The following ATXN10 variants were observed in gnomAD, a reference collection of about 807,000 sequenced individuals.
The protein encoded by ATXN10 is ataxin-10.
ATXN10 carries 28 observed loss-of-function variants against 52.9 expected under a neutral mutation model. The observed-to-expected ratio is 0.53, with a 90% confidence interval of 0.39 to 0.73. The LOEUF (loss-of-function observed/expected upper bound fraction) is 0.73. Among genes scored for constraint, ATXN10 ranks in the 30% least tolerant of loss-of-function variants. The pLI, the probability that ATXN10 is intolerant of heterozygous loss-of-function variation, is 0.00. For missense variants in ATXN10, 565 were observed against 577.0 expected (o/e 0.98, Z 0.21); for synonymous variants, 226 against 221.5 (o/e 1.02, Z -0.18).
At chr22:45,802,048 T>C (rs971260920) in intron 9 of ATXN10, among the ~76,000 whole-genome samples, 1 of 152,232 alleles carries the variant, frequency 6.6e-6, no homozygotes, top group South Asian at 2.1e-4. Flanking sequence ...TTATTAGAGT[T>C]GGGCCTGTAC....
At position 45,833,859 on chromosome 22, in the gene ATXN10, A is replaced by G. The variant is rs1929073098; in HGVS notation, c.1238-9132A>G. Among the ~76,000 whole-genome samples the G allele has an allele frequency of 1.3e-5, 2 of 152,168 alleles. No homozygotes were observed. The highest frequency in any genetic ancestry group is 2.1e-4 in the South Asian group (1 of 4,826). ...GGTCGCGAGAGCACACTTAGCAGCG[A>G]TACGGCATCGCGATCAGGGGAGCGG... On this transcript the variant is annotated intron_variant, in intron 10 of 11. Transcript: ENST00000252934. This position sits in a 1 kb window ranked among gnomAD's most constrained non-coding sequence, Gnocchi z 4.3.
In ATXN10 at chr22:45,842,673, C is replaced by T. The variant is rs1929386187; in HGVS notation, c.1238-318C>T. On this transcript the variant is annotated intron_variant, in intron 10 of 11. Coordinates refer to ENST00000252934, the MANE Select transcript of ATXN10 (RefSeq NM_013236.4). This position sits in a 1 kb window ranked among gnomAD's most constrained non-coding sequence, Gnocchi z 4.8. ...TTGCCTGTGTGTGTGTTCTTGGGTT[C>T]ATAAACTTCAGTTTGAGCTACTCTA... 6.6e-6 allele frequency among the ~76,000 whole-genome samples: 1 copy of T among 152,128 alleles called. No homozygotes were observed. Among genetic ancestry groups the T allele is most frequent in the South Asian group, 2.1e-4 (1 of 4,830 alleles).
Position 45,807,011 on chromosome 22 carries a change from A to T in ATXN10, c.1226A>T (p.Asp409Val). ...ATCCTGGACAACTGCAACATCAGTG[A>T]CAGTAACCCCTGTATCCTTGCATGT... ...PLILDNCNISDSNPFLTQWVI... is the reference protein window; with the variant it reads ...PLILDNCNISVSNPFLTQWVI... Residue 409 changes from aspartate to valine, a missense_variant, in exon 10 of 12, where the codon GAC becomes GTC. Coordinates refer to ENST00000252934, the MANE Select transcript of ATXN10 (RefSeq NM_013236.4). The T allele has an allele frequency of 1.9e-6, 3 of 1,613,904 alleles. No homozygotes were observed. Among genetic ancestry groups the T allele is most frequent in the Non-Finnish European group, 2.5e-6 (3 of 1,179,760 alleles).
chr22:45,720,443 C>T (rs1924606508), intron 6 of ATXN10, among the ~76,000 whole-genome samples: 1 of 152,026 alleles, frequency 6.6e-6, no homozygotes, highest in Non-Finnish European at 1.5e-5. Context: ...CTCAAACAAT[C>T]CTCCCACCTC....
In ATXN10 at chr22:45,833,732, A is replaced by G. The variant is rs1397930851; in HGVS notation, c.1238-9259A>G. ...ATGTATTTCATGTATCACAAAACCTACCGTTCCTTGTACTGGTTTGTAGGC... is the reference window on the plus strand; with the variant it reads ...ATGTATTTCATGTATCACAAAACCTGCCGTTCCTTGTACTGGTTTGTAGGC... On this transcript the variant is annotated intron_variant, in intron 10 of 11. Transcript: ENST00000252934. This position sits in a 1 kb window ranked among gnomAD's most constrained non-coding sequence, Gnocchi z 4.3. Among the ~76,000 whole-genome samples, 1 of 152,126 alleles carries G rather than the reference A, an allele frequency of 6.6e-6. No individual in the cohort carries two copies. The highest frequency in any genetic ancestry group is 2.4e-5 in the African/African-American group (1 of 41,438).
chr22:45,734,895 A>ATTATTT (rs1925231943), intron 7 of ATXN10, among the ~76,000 whole-genome samples: 1 of 149,436 alleles, frequency 6.7e-6, no homozygotes, highest in South Asian at 2.1e-4. Flanking sequence ...TATTATTATT[A>ATTATTT]TTATTTTGAG....
chr22:45,733,368 A>G lies in ATXN10; in HGVS notation c.894+3778A>G, dbSNP rs1333904205. Among the ~76,000 whole-genome samples, 1 of 152,234 alleles carries G rather than the reference A, an allele frequency of 6.6e-6. No individual in the cohort carries two copies. The highest frequency in any genetic ancestry group is 2.4e-5 in the African/African-American group (1 of 41,458). ...TTTTTTCCACATATTAAGGGCTTAA[A>G]TTTTTGTATTACGCAAATAATGCTT... On this transcript the variant is annotated intron_variant, in intron 7 of 11. Transcript: ENST00000252934. The surrounding 1 kb of genome is among the most constrained non-coding windows in gnomAD (Gnocchi z 4.4).
rs1923848133 is a variant in ATXN10, at chr22:45,701,645, A to G, written c.489-1044A>G. ...TTCATTCCCTTAAAACGTTTTGGAT[A>G]CCTAATATCTGCCAGGTTTTGGGAT... is the stretch of plus-strand genomic sequence containing the variant. On this transcript the variant is annotated intron_variant, in intron 4 of 11. Coordinates refer to ENST00000252934, the MANE Select transcript of ATXN10 (RefSeq NM_013236.4). The surrounding 1 kb of genome is among the most constrained non-coding windows in gnomAD (Gnocchi z 4.2). 6.6e-6 allele frequency among the ~76,000 whole-genome samples: 1 copy of G among 152,228 alleles called. No individual in the cohort carries two copies. Among genetic ancestry groups the G allele is most frequent in the Admixed American group, 6.5e-5 (1 of 15,280 alleles).
At position 45,844,069 on chromosome 22, in the gene ATXN10, T is replaced by G. The variant is rs993133748; in HGVS notation, c.*398T>G. 1 of 191,656 alleles carries G rather than the reference T, an allele frequency of 5.2e-6. No homozygotes were observed. Among genetic ancestry groups the G allele is most frequent in the African/African-American group, 2.4e-5 (1 of 42,500 alleles). The allele number at this position is 191,656 out of a possible 1,614,324, so 11.9% of individuals were successfully genotyped here. A position where few individuals can be genotyped will look rare whatever the true frequency, so the allele number is the denominator to read the frequency against. On this transcript the variant is annotated 3_prime_UTR_variant, in exon 12 of 12. Transcript: ENST00000252934. ...TCTTTATATTCCTCTTCTCATTGGGTTTTCTGAACTCTGGCAGGCGGTTGA... is the reference window on the plus strand; with the variant it reads ...TCTTTATATTCCTCTTCTCATTGGGGTTTCTGAACTCTGGCAGGCGGTTGA...
At chr22:45,673,457 G>C (rs1432775028) in intron 1 of ATXN10, 1 of 152,166 alleles carries the variant, frequency 6.6e-6, no homozygotes, top group Non-Finnish European at 1.5e-5. Context: ...AAAAGTCCCT[G>C]GTACTGCTCT....
intron 9 of ATXN10, among the ~76,000 whole-genome samples, chr22:45,765,324 G>C (rs1247270895): frequency 6.6e-6 from 1 of 152,178 alleles, no homozygotes; most frequent in African/African-American, 2.4e-5. Context: ...GCCACCAAGA[G>C]GGAGACAGTA....
intron 9 of ATXN10, among the ~76,000 whole-genome samples, chr22:45,797,913 G>A (rs981407742): frequency 6.6e-6 from 1 of 152,000 alleles, no homozygotes; most frequent in Non-Finnish European, 1.5e-5. Flanking sequence ...TAAGAGAATA[G>A]CATAAACAAC....
At chr22:45,699,786 A>G (rs891101870) in intron 3 of ATXN10, among the ~76,000 whole-genome samples, 13 of 149,772 alleles carry the variant, frequency 8.7e-5, no homozygotes, top group African/African-American at 3.2e-4. Context: ...GAGCCACTGC[A>G]CCCAGGCAAT....
Position 45,688,232 on chromosome 22 carries a change from A to G in ATXN10, c.117-1480A>G, listed in dbSNP as rs928570994. On this transcript the variant is annotated intron_variant, in intron 1 of 11. Transcript: ENST00000252934. This position sits in a 1 kb window ranked among gnomAD's most constrained non-coding sequence, Gnocchi z 4.0. ...TGCCGAGACACTGAGTCAAAGTTTC[A>G]TTATTTACACTCAGGGCTGACTGGG... Among the ~76,000 whole-genome samples, 1 of 152,160 alleles carries G rather than the reference A, an allele frequency of 6.6e-6. No individual in the cohort carries two copies. Among genetic ancestry groups the G allele is most frequent in the South Asian group, 2.1e-4 (1 of 4,832 alleles).
At chr22:45,782,129 T>C (rs10483231) in intron 9 of ATXN10, among the ~76,000 whole-genome samples, 13,518 of 152,262 alleles carry the variant, frequency 0.089, 776 homozygotes, top group Middle Eastern at 0.16. Flanking sequence ...CTCTGGAAAT[T>C]TTCATGATCC....
intron 7 of ATXN10, among the ~76,000 whole-genome samples, chr22:45,734,869 A>ATATTATTATTATTATTAT (rs10625108): frequency 0.011 from 1,625 of 142,360 alleles, 11 homozygotes; most frequent in African/African-American, 0.014. Context: ...GAAATGGGTT[A>ATATTATTATTATTATTAT]TATTATTATT....
In ATXN10 at chr22:45,771,541, C is replaced by T. The variant is rs563165184; in HGVS notation, c.1173+31003C>T. On this transcript the variant is annotated intron_variant, in intron 9 of 11. Transcript: ENST00000252934. The stretch of plus-strand genomic sequence containing the variant: ...AAGTGATTTTCCTGCCTCAGCCTCC[C>T]GAGTAGCTGGGATTACAGGCACGCA... Among the ~76,000 whole-genome samples the T allele has an allele frequency of 2.6e-5, 4 of 151,704 alleles. No individual in the cohort carries two copies. The South Asian group carries it at 6.3e-4, about 24-fold the overall frequency.
chr22:45,717,658 A>G (rs1718970390), intron 5 of ATXN10, among the ~76,000 whole-genome samples: 1 of 152,322 alleles, frequency 6.6e-6, no homozygotes, highest in Admixed American at 6.5e-5. Context: ...CAGACTGAAT[A>G]TAGTTTTATT....
chr22:45,743,077 T>C (rs888267469), intron 9 of ATXN10, among the ~76,000 whole-genome samples: 1 of 152,336 alleles, frequency 6.6e-6, no homozygotes, highest in South Asian at 2.1e-4. Context: ...TAAGTAAATA[T>C]GGAGTGTGCC....
Sources: gnomAD v4.1 joint callset for allele counts (sites outside exome capture counted in the v4.1 genomes callset) on GRCh38, gnomAD v4.1.1 for gene constraint, Gnocchi (gnomAD v3.1) non-coding constraint, MANE v1.5 for transcripts, NCBI Gene and HGNC (gene_info 2026-07-23, HGNC 2026-07-21) for gene names.